Variants in RABGAP1L observed in about 807,000 individuals in gnomAD.
RABGAP1L encodes rab GTPase-activating protein 1-like.
A neutral mutation model predicts 137.7 loss-of-function variants in RABGAP1L; 63 were observed. The ratio of observed to expected loss-of-function variants is 0.46; its 90% CI spans 0.37 to 0.56. The LOEUF is 0.56. RABGAP1L is among the 20% of genes least tolerant of loss of function. The pLI is 0.00. For missense variants in RABGAP1L, 1,095 were observed against 1,244.0 expected, an observed-to-expected ratio of 0.88 and a Z score of 1.80; for synonymous variants, 431 against 433.7, an observed-to-expected ratio of 0.99 and a Z score of 0.08.
At chr1:174,603,886 GC>G (rs1379661789) in intron 13 of RABGAP1L, among the ~76,000 whole-genome samples, 2 of 151,860 alleles carry the variant, frequency 1.3e-5, no homozygotes, top group African/African-American at 4.8e-5. Flanking sequence ...ACTGCTTGGT[GC>G]CCTATTCTAC....
intron 11 of RABGAP1L, among the ~76,000 whole-genome samples, chr1:174,349,081 C>G (rs546221539): frequency 7.1e-6 from 1 of 141,332 alleles, no homozygotes; most frequent in East Asian, 2.4e-4. Flanking sequence ...CCCTCCAAGA[C>G]GGGGCGGCTG....
intron 13 of RABGAP1L, among the ~76,000 whole-genome samples, chr1:174,574,315 GCAT>G (rs1426282928): frequency 3.9e-5 from 6 of 152,038 alleles, no homozygotes; most frequent in Admixed American, 3.9e-4. Context: ...CTATTAGAAA[GCAT>G]CATCCTTTTT....
chr1:174,437,094 G>T (rs1653445459), intron 13 of RABGAP1L, among the ~76,000 whole-genome samples: 1 of 152,100 alleles, frequency 6.6e-6, no homozygotes, highest in South Asian at 2.1e-4. Context: ...AAGACCAAAG[G>T]TAGATAAAAC....
chr1:174,921,391 C>T (rs1661771730), intron 19 of RABGAP1L, among the ~76,000 whole-genome samples: 1 of 152,154 alleles, frequency 6.6e-6, no homozygotes, highest in African/African-American at 2.4e-5. Flanking sequence ...ATATTGTGGA[C>T]AGATACATTT....
intron 10 of RABGAP1L, among the ~76,000 whole-genome samples, chr1:174,280,048 G>GGAGAGAGA (rs59262212): frequency 0.039 from 4,888 of 125,148 alleles, 157 homozygotes; most frequent in African/African-American, 0.065. Flanking sequence ...CTGTCTGCCT[G>GGAGAGAGA]GAGAGAGAGA....
intron 13 of RABGAP1L, among the ~76,000 whole-genome samples, chr1:174,598,044 T>C (rs565471866): frequency 3.9e-5 from 6 of 152,192 alleles, no homozygotes; most frequent in Admixed American, 3.3e-4. Flanking sequence ...TTTAAAAACA[T>C]TTTAGGCCAG....
intron 13 of RABGAP1L, among the ~76,000 whole-genome samples, chr1:174,568,314 C>A (rs1667720249): frequency 6.6e-6 from 1 of 152,102 alleles, no homozygotes; most frequent in African/African-American, 2.4e-5. Context: ...CTAGGCCCCA[C>A]CCCAACACTG....
chr1:174,842,364 A>G (rs1693508738), intron 19 of RABGAP1L, among the ~76,000 whole-genome samples: 2 of 152,144 alleles, frequency 1.3e-5, no homozygotes, highest in African/African-American at 2.4e-5. Context: ...ACTTTTTGGC[A>G]CAACAGAAAA....
rs73040901 is a variant in RABGAP1L, at chr1:174,522,258, A to G, written c.1711-115117A>G. ...ACAGCAGAAGGCAGAGGGCAGGTGT[A>G]TAAGGCCATTCTTGCATTGCTATAA... On this transcript the variant is annotated intron_variant, in intron 13 of 25. Coordinates refer to ENST00000681986, the MANE Select transcript of RABGAP1L (RefSeq NM_001366446.1). 4.8e-3 allele frequency among the ~76,000 whole-genome samples: 727 copies of G among 152,310 alleles called. 7 individuals are homozygous for G. Among genetic ancestry groups the G allele is most frequent in the African/African-American group, 0.017 (686 of 41,564 alleles).
chr1:174,849,742 G>T, intron 19 of RABGAP1L: 2 of 480,706 alleles, frequency 4.2e-6, no homozygotes, highest in East Asian at 6.1e-5. Flanking sequence ...TGTTCTAAAT[G>T]GTATTCTTGG....
At position 174,448,802 on chromosome 1, in the gene RABGAP1L, C is replaced by T. The variant is rs746603649; in HGVS notation, c.1710+54657C>T. The T allele has an allele frequency of 2.0e-5, 32 of 1,613,850 alleles. No homozygotes were observed. The highest frequency in any genetic ancestry group is 2.4e-5 in the Non-Finnish European group (28 of 1,179,922). On this transcript the variant is annotated intron_variant, in intron 13 of 25. Transcript: ENST00000681986. The surrounding 1 kb of genome is among the most constrained non-coding windows in gnomAD (Gnocchi z 4.2). The stretch of plus-strand genomic sequence containing the variant: ...TTACTTCCACATTTTCAAAATTTGC[C>T]GTCAGCACACCAAAGAGATAAATGA...
chr1:174,819,476 T>G (rs1469408232), intron 19 of RABGAP1L, among the ~76,000 whole-genome samples: 4 of 152,306 alleles, frequency 2.6e-5, no homozygotes, highest in Non-Finnish European at 5.9e-5. Flanking sequence ...TTCACAGTGT[T>G]AATTTAATCA....
At chr1:174,814,043 A>C (rs1184948292) in intron 19 of RABGAP1L, among the ~76,000 whole-genome samples, 2 of 152,188 alleles carry the variant, frequency 1.3e-5, no homozygotes, top group East Asian at 3.9e-4. Flanking sequence ...AAAACATGAA[A>C]TGTATAGGGA....
intron 17 of RABGAP1L, among the ~76,000 whole-genome samples, chr1:174,720,454 C>T (rs762183936): frequency 6.6e-6 from 1 of 151,994 alleles, no homozygotes; most frequent in Non-Finnish European, 1.5e-5. Context: ...GCTGGGACTA[C>T]AGGTGCATGC....
At chr1:174,482,824 T>G (rs1347026168) in intron 13 of RABGAP1L, among the ~76,000 whole-genome samples, 1 of 152,194 alleles carries the variant, frequency 6.6e-6, no homozygotes, top group African/African-American at 2.4e-5. Context: ...TGATTTCTTT[T>G]TATTTGAGCT....
intron 11 of RABGAP1L, among the ~76,000 whole-genome samples, chr1:174,349,186 C>T (rs549440620): frequency 8.4e-5 from 11 of 130,398 alleles, no homozygotes; most frequent in South Asian, 2.5e-4. Context: ...CGGGCAGAGG[C>T]GCCCCTCACC....
intron 19 of RABGAP1L, among the ~76,000 whole-genome samples, chr1:174,847,656 T>G (rs1647269585): frequency 7.5e-6 from 1 of 134,004 alleles, no homozygotes; most frequent in African/African-American, 2.8e-5. Flanking sequence ...TGGCTGCCCT[T>G]AACATTTTTT....
intron 13 of RABGAP1L, among the ~76,000 whole-genome samples, chr1:174,470,182 A>G (rs1238990290): frequency 6.6e-6 from 1 of 152,118 alleles, no homozygotes; most frequent in Non-Finnish European, 1.5e-5. Flanking sequence ...CATTCCATGT[A>G]TTGATCCATC....
intron 13 of RABGAP1L, among the ~76,000 whole-genome samples, chr1:174,564,368 A>C (rs1161914925): frequency 6.6e-6 from 1 of 152,128 alleles, no homozygotes; most frequent in East Asian, 1.9e-4. Context: ...TGCAGTTAAT[A>C]TTTACCATTT....
Sources: gnomAD v4.1 joint callset for allele counts (sites outside exome capture counted in the v4.1 genomes callset) on GRCh38, gnomAD v4.1.1 for gene constraint, Gnocchi (gnomAD v3.1) non-coding constraint, MANE v1.5 for transcripts, NCBI Gene and HGNC (gene_info 2026-07-23, HGNC 2026-07-21) for gene names.